CYP2J2: variants seen among roughly 807,000 people sequenced by gnomAD.
The protein encoded by CYP2J2 is cytochrome P450 2J2.
A neutral mutation model predicts 48.8 loss-of-function variants in CYP2J2; 41 were observed. The observed-to-expected ratio is 0.84, with a 90% CI of 0.66 to 1.09. The LOEUF (loss-of-function observed/expected upper bound fraction) is 1.09, where lower values mean the gene tolerates loss of function less well. Among genes scored for constraint, CYP2J2 ranks in the 50% least tolerant of loss-of-function variants. CYP2J2 has a pLI of 0.00. For missense variants in CYP2J2, 644 were observed against 617.3 expected (o/e 1.04, Z -0.46); for synonymous variants, 221 against 227.1 (o/e 0.97, Z 0.24).
the CYP2J2 span, among the ~76,000 whole-genome samples, chr1:59,934,989 G>GATATATAT: frequency 1.7e-5 from 1 of 58,404 alleles, no homozygotes; most frequent in East Asian, 6.9e-4. Context: ...AAGAAAATGG[G>GATATATAT]ATATATATAT....
At chr1:59,903,516 G>T (rs1169808104) in intron 7 of CYP2J2, among the ~76,000 whole-genome samples, 1 of 152,174 alleles carries the variant, frequency 6.6e-6, no homozygotes, top group African/African-American at 2.4e-5. Flanking sequence ...AGACACTGGG[G>T]ATTACTGGAG....
chr1:59,950,766 C>T, the CYP2J2 span, among the ~76,000 whole-genome samples: 7 of 152,166 alleles, frequency 4.6e-5, no homozygotes, highest in Non-Finnish European at 7.4e-5. Flanking sequence ...AGGTCCAAGA[C>T]GGTCTCATTT....
At chr1:59,946,754 TAG>T in the CYP2J2 span, among the ~76,000 whole-genome samples, 3 of 152,180 alleles carry the variant, frequency 2.0e-5, no homozygotes, top group African/African-American at 7.2e-5. Context: ...GTAAAAATGT[TAG>T]AGTTTACACA....
chr1:59,964,575 A>C, the CYP2J2 span, among the ~76,000 whole-genome samples: 1 of 152,230 alleles, frequency 6.6e-6, no homozygotes, highest in Non-Finnish European at 1.5e-5. Flanking sequence ...AGCTCCTTCA[A>C]TATAGAAAAT....
At chr1:59,912,403 G>A in intron 2 of CYP2J2, 92 bp from the exon 3 acceptor site, 1 of 1,389,004 alleles carries the variant, frequency 7.2e-7, no homozygotes, top group Non-Finnish European at 9.8e-7. Context: ...ATGAAGGACA[G>A]GAGAAGATCA....
the CYP2J2 span, among the ~76,000 whole-genome samples, chr1:59,957,029 T>C: frequency 6.6e-6 from 1 of 152,340 alleles, no homozygotes; most frequent in South Asian, 2.1e-4. Context: ...CCATCATGCC[T>C]GTTCCAGTAC....
intron 7 of CYP2J2, among the ~76,000 whole-genome samples, chr1:59,903,382 G>C (rs1479949671): frequency 6.6e-6 from 1 of 152,240 alleles, no homozygotes; most frequent in African/African-American, 2.4e-5. Context: ...GAGATCCTAA[G>C]AGTGGCGAAT....
chr1:59,960,868 G>C, the CYP2J2 span, among the ~76,000 whole-genome samples: 4 of 152,018 alleles, frequency 2.6e-5, no homozygotes, highest in Non-Finnish European at 4.4e-5. Flanking sequence ...TAAAGGATTT[G>C]ACCAAAGTGC....
In CYP2J2 at chr1:59,922,042, C is replaced by T. The variant is rs542425253; in HGVS notation, c.210+4495G>A. ...AATGCTGGTATATCCAGCGCACTGG[C>T]GGCATCGCAGGTCCAGAAGGTCGTG... is the stretch of plus-strand genomic sequence containing the variant. On this transcript the variant is annotated intron_variant, in intron 1 of 8. Transcript: ENST00000371204. 9.2e-5 allele frequency among the ~76,000 whole-genome samples: 14 copies of T among 152,296 alleles called. No homozygotes were observed. In the East Asian group the frequency reaches 1.7e-3, roughly 19 times the overall value.
chr1:59,903,925 T>G (rs1243788106), intron 7 of CYP2J2, among the ~76,000 whole-genome samples: 1 of 152,238 alleles, frequency 6.6e-6, no homozygotes, highest in African/African-American at 2.4e-5. Flanking sequence ...AAGCTTCTTC[T>G]GAGTAAACTT....
chr1:59,913,299 C>A (rs1255173391), intron 2 of CYP2J2: 1 of 152,040 alleles, frequency 6.6e-6, no homozygotes, highest in Non-Finnish European at 1.5e-5. Flanking sequence ...CTTTTTCTCA[C>A]CCTATACTCT....
chr1:59,950,162 C>T, the CYP2J2 span, among the ~76,000 whole-genome samples: 1 of 152,206 alleles, frequency 6.6e-6, no homozygotes, highest in Non-Finnish European at 1.5e-5. Context: ...TTCCGAGAAT[C>T]TCCTTCCCAT....
the CYP2J2 span, among the ~76,000 whole-genome samples, chr1:59,938,904 G>A: frequency 1.3e-5 from 2 of 152,240 alleles, no homozygotes; most frequent in Non-Finnish European, 2.9e-5. Context: ...GAATGGCGAT[G>A]ACTTTTACCA....
At chr1:59,927,755 T>C (rs1295175539), upstream of CYP2J2, among the ~76,000 whole-genome samples, 2 of 152,052 alleles carry the variant, frequency 1.3e-5, no homozygotes, top group South Asian at 2.1e-4. Context: ...GTATTTTTGG[T>C]ACAGATGGGG....
intron 7 of CYP2J2, among the ~76,000 whole-genome samples, chr1:59,904,155 G>A (rs1286508953): frequency 6.6e-6 from 1 of 152,050 alleles, no homozygotes; most frequent in African/African-American, 2.4e-5. Flanking sequence ...GGTGGATCAC[G>A]AGGTCAAGAG....
At chr1:59,949,081 C>T in the CYP2J2 span, among the ~76,000 whole-genome samples, 1 of 152,088 alleles carries the variant, frequency 6.6e-6, no homozygotes, top group Non-Finnish European at 1.5e-5. Flanking sequence ...AATTCAAACT[C>T]TCCTGATGGC....
chr1:59,927,517 A>G (rs1438734161), upstream of CYP2J2, among the ~76,000 whole-genome samples: 2 of 152,186 alleles, frequency 1.3e-5, no homozygotes. Context: ...CATGAAACAT[A>G]GCTCAGGAAT....
chr1:59,911,480 T>C, intron 4 of CYP2J2, 128 bp downstream of exon 4: 1 of 606,316 alleles, frequency 1.6e-6, no homozygotes, highest in Non-Finnish European at 2.8e-6. Context: ...TAAGTTTGTG[T>C]TGAAATTAGT....
rs201004353 is a variant in CYP2J2 at position 59,909,866 on chromosome 1, T to G, written c.779A>C (p.His260Pro). The G allele has an allele frequency of 6.2e-7, 1 of 1,612,838 alleles. No individual in the cohort carries two copies. Among genetic ancestry groups the G allele is most frequent in the East Asian group, 2.2e-5 (1 of 44,750 alleles). ...ATCCTTTCTGTGTTTGTCAATCATA[T>G]GAGAAACAAACAATTTCAGTTTTTT... is the stretch of plus-strand genomic sequence containing the variant. The part of the protein sequence containing the change: ...NWKKLKLFVS[H>P]MIDKHRKDWN... The change falls in exon 5 of 9, where the codon CAT (histidine) becomes CCT (proline). Residue 260 changes from histidine (H) to proline (P), a missense_variant. His to Pro is a moderately conservative substitution (Grantham distance 77). Coordinates refer to ENST00000371204, the MANE Select transcript of CYP2J2 (RefSeq NM_000775.4).
Sources: allele counts gnomAD v4.1 joint callset (sites outside exome capture counted in the v4.1 genomes callset), GRCh38; gene constraint gnomAD v4.1.1; transcripts MANE v1.5; gene names NCBI Gene and HGNC (gene_info 2026-07-23, HGNC 2026-07-21).